COX15: variants seen among roughly 807,000 people sequenced by gnomAD.
COX15 encodes the protein heme A synthase COX15.
A neutral mutation model predicts 51.9 loss-of-function variants in COX15; 51 were observed. The ratio of observed to expected loss-of-function variants is 0.98; its 90% confidence interval spans 0.78 to 1.24. COX15 has a LOEUF of 1.24. Among genes scored for constraint, COX15 ranks in the 50% most tolerant of loss-of-function variants. The pLI, the probability that COX15 is intolerant of heterozygous loss-of-function variation, is 0.00. For synonymous variants in COX15, 188 were observed against 190.5 expected, an observed-to-expected ratio of 0.99 and a Z score of 0.11; for missense variants, 420 against 501.1, an observed-to-expected ratio of 0.84 and a Z score of 1.55.
rs570195955 is a variant in COX15 at position 99,720,356 on chromosome 10, A to G, written c.832+631T>C. ...GCTACTCGGGAGGCTGAGGCACGAG[A>G]ATCGCTTGGATTTAGGGAGGCAGAG... On this transcript the variant is annotated intron_variant, in intron 6 of 8. Coordinates refer to ENST00000016171, the MANE Select transcript of COX15 (RefSeq NM_078470.6). Among the ~76,000 whole-genome samples the G allele has an allele frequency of 1.3e-4, 20 of 152,236 alleles. No individual in the cohort carries two copies. The South Asian group carries it at 1.9e-3, about 14-fold the overall frequency.
chr10:99,726,964 T>C lies in COX15; in HGVS notation c.582+4A>G, dbSNP rs770154726. On this transcript the variant is annotated splice_donor_region_variant and intron_variant, in intron 4 of 8. Transcript: ENST00000016171. ...CTGGTTTCTCAACCTTGAATAAATC[T>C]TACCTGGAAGCAGACGAGGCCACAG... The C allele has an allele frequency of 6.2e-7, 1 of 1,612,426 alleles. No homozygotes were observed. The highest frequency in any genetic ancestry group is 8.5e-7 in the Non-Finnish European group (1 of 1,179,736).
chr10:99,724,663 C>G (rs1479983514), intron 4 of COX15, among the ~76,000 whole-genome samples: 1 of 151,916 alleles, frequency 6.6e-6, no homozygotes, highest in Non-Finnish European at 1.5e-5. Flanking sequence ...TTTGGCTTCC[C>G]TGGGCCACAC....
At chr10:99,702,564 C>T in the COX15 span, 1 of 1,612,080 alleles carries the variant, frequency 6.2e-7, no homozygotes, top group South Asian at 1.1e-5. Flanking sequence ...TGAAGGATTC[C>T]ACTTTCCCTA....
At chr10:99,719,347 G>A (rs2133588846) in intron 6 of COX15, among the ~76,000 whole-genome samples, 1 of 152,094 alleles carries the variant, frequency 6.6e-6, no homozygotes, top group South Asian at 2.1e-4. Context: ...AGCCTCCCGA[G>A]TAGCTGGGAC....
intron 4 of COX15, among the ~76,000 whole-genome samples, chr10:99,724,548 A>G (rs2036887295): frequency 1.3e-5 from 2 of 151,570 alleles, no homozygotes; most frequent in African/African-American, 2.4e-5. Flanking sequence ...TCCTCTTTCC[A>G]TACCCTCCCC....
At chr10:99,724,337 C>T (rs1280350384) in intron 4 of COX15, among the ~76,000 whole-genome samples, 1 of 152,138 alleles carries the variant, frequency 6.6e-6, no homozygotes, top group African/African-American at 2.4e-5. Flanking sequence ...TGCGCATCAC[C>T]ACGCCTGGCT....
downstream of COX15, among the ~76,000 whole-genome samples, chr10:99,707,406 C>A (rs1452757053): frequency 1.3e-5 from 2 of 152,212 alleles, no homozygotes; most frequent in Non-Finnish European, 2.9e-5. Flanking sequence ...TTACTCCTTG[C>A]TGAGAGCCAA....
chr10:99,698,571 C>T, the COX15 span: 2 of 1,614,150 alleles, frequency 1.2e-6, no homozygotes, highest in Middle Eastern at 1.6e-4. Context: ...TCCCGACAAT[C>T]CATTTCTGGA....
At chr10:99,731,472 T>C (rs952591006) in intron 1 of COX15, among the ~76,000 whole-genome samples, 3 of 152,224 alleles carry the variant, frequency 2.0e-5, no homozygotes, top group Non-Finnish European at 2.9e-5. Flanking sequence ...CTTCTTACTA[T>C]ATCCCTGTGA....
chr10:99,726,279 A>G (rs571888596), intron 4 of COX15, among the ~76,000 whole-genome samples: 7 of 152,226 alleles, frequency 4.6e-5, no homozygotes, highest in South Asian at 2.1e-4. Context: ...AGGAGAGACA[A>G]GAACCTAGGG....
chr10:99,698,895 G>T, the COX15 span: 2,394 of 1,542,832 alleles, frequency 1.6e-3, 6 homozygotes, highest in Non-Finnish European at 1.9e-3. Flanking sequence ...TATGCTGGCA[G>T]CAGCCATTTA....
chr10:99,727,059 A>C lies in COX15; in HGVS notation c.491T>G (p.Ile164Ser), dbSNP rs2036978625. 1 of 1,614,058 alleles carries C rather than the reference A, an allele frequency of 6.2e-7. No homozygotes were observed. The highest frequency in any genetic ancestry group is 1.1e-5 in the South Asian group (1 of 91,084). ...MWGRLVGLVY[I>S]LPAAYFWRKG... The stretch of plus-strand genomic sequence containing the variant: ...TCTCCAAAAGTAGGCAGCAGGCAGG[A>C]TGTACACAAGGCCTACAAGGCGACC... Residue 164 changes from isoleucine to serine, a missense_variant, in exon 4 of 9, where the codon ATC becomes AGC. By Grantham distance (142) the Ile-to-Ser change is moderately radical (BLOSUM62 -2). Coordinates refer to ENST00000016171, the MANE Select transcript of COX15 (RefSeq NM_078470.6).
At position 99,713,080 on chromosome 10, in the gene COX15, G is replaced by A; in HGVS notation, c.*1507C>T. 1 of 1,198,358 alleles carries A rather than the reference G, an allele frequency of 8.3e-7. No homozygotes were observed. The highest frequency in any genetic ancestry group is 1.0e-6 in the Non-Finnish European group (1 of 955,664). The allele number at this position is 1,198,358 out of a possible 1,614,324, so 74.2% of individuals were successfully genotyped here. On this transcript the variant is annotated 3_prime_UTR_variant, in exon 9 of 9. Coordinates refer to ENST00000016171, the MANE Select transcript of COX15 (RefSeq NM_078470.6). ...CTTGCTTAAATTTGGTACCCAGAGT[G>A]AAATGCAGTATGTTAGGGGTATTTT...
At chr10:99,728,319 G>A (rs906580900) in intron 2 of COX15, among the ~76,000 whole-genome samples, 11 of 152,308 alleles carry the variant, frequency 7.2e-5, no homozygotes, top group South Asian at 4.1e-4. Flanking sequence ...ACAACGGACC[G>A]AAACATTATC....
chr10:99,723,057 G>C (rs1036800891), intron 5 of COX15: 1 of 151,838 alleles, frequency 6.6e-6, no homozygotes, highest in African/African-American at 2.4e-5. Context: ...TGGATGATTC[G>C]ACTTAAGAGT....
chr10:99,697,650 T>C, the COX15 span: 1 of 157,426 alleles, frequency 6.4e-6, no homozygotes, highest in East Asian at 1.8e-4. Flanking sequence ...TCCTTACAGT[T>C]GGTGTCACAT....
intron 8 of COX15, among the ~76,000 whole-genome samples, chr10:99,715,737 T>C (rs1438358297): frequency 6.6e-6 from 1 of 152,184 alleles, no homozygotes; most frequent in Non-Finnish European, 1.5e-5. Flanking sequence ...CATTTTCCTA[T>C]GCCCATGGCA....
At chr10:99,726,645 TG>T (rs1290772925) in intron 4 of COX15, among the ~76,000 whole-genome samples, 1 of 152,074 alleles carries the variant, frequency 6.6e-6, no homozygotes, top group East Asian at 1.9e-4. Flanking sequence ...CCCAGCACTT[TG>T]GGAGGCCAAG....
At chr10:99,704,897 A>T in the COX15 span, 2 of 586,386 alleles carry the variant, frequency 3.4e-6, no homozygotes, top group Non-Finnish European at 6.0e-6. Flanking sequence ...AAATGACAGG[A>T]GATTGGTGCT....
Sources: allele counts gnomAD v4.1 joint callset (sites outside exome capture counted in the v4.1 genomes callset), GRCh38; gene constraint gnomAD v4.1.1; transcripts MANE v1.5; gene names NCBI Gene and HGNC (gene_info 2026-07-23, HGNC 2026-07-21).